The following IGSF10 variants were observed in gnomAD, a reference collection of about 807,000 sequenced individuals.
IGSF10 encodes the protein calvaria mechanical force protein 608.
IGSF10 carries 126 observed loss-of-function variants against 128.2 expected under a neutral mutation model. That is an observed-to-expected ratio of 0.98 (90% CI 0.85 to 1.14). The LOEUF is 1.14. Ranked by LOEUF, IGSF10 falls within the 50% of genes most tolerant of loss-of-function variation. The probability of loss-of-function intolerance (pLI) is 0.00; values close to 1 mark genes in which losing one functional copy is unlikely to be tolerated. For synonymous variants in IGSF10, 1,185 were observed against 1,146.2 expected (o/e 1.03, Z -0.68); for missense variants, 3,295 against 3,149.8 (o/e 1.05, Z -1.10).
At chr3:151,458,387 G>A in intron 3 of IGSF10, 129 bp downstream of exon 3, 3 of 673,274 alleles carry the variant, frequency 4.5e-6, no homozygotes, top group Non-Finnish European at 6.8e-6. Context: ...ATTCTCATGA[G>A]CTCATTTCAG....
the IGSF10 span, among the ~76,000 whole-genome samples, chr3:151,495,544 G>A: frequency 9.3e-5 from 14 of 151,182 alleles, no homozygotes; most frequent in African/African-American, 3.4e-4. Flanking sequence ...AAAAAATTAA[G>A]AACGACAAAT....
At chr3:151,532,221 G>T in the IGSF10 span, among the ~76,000 whole-genome samples, 2 of 148,754 alleles carry the variant, frequency 1.3e-5, no homozygotes, top group East Asian at 3.9e-4. Context: ...TCCAAGGCCA[G>T]ACGGATTCAC....
intron 7 of IGSF10, 110 bp from the exon 8 acceptor site, chr3:151,438,707 A>AAATT: frequency 1.4e-6 from 1 of 726,262 alleles, no homozygotes; most frequent in South Asian, 1.9e-5. Context: ...TGACCAATGA[A>AAATT]AATTGTGTAT....
chr3:151,483,947 GA>G, the IGSF10 span, among the ~76,000 whole-genome samples: 3 of 152,186 alleles, frequency 2.0e-5, no homozygotes, highest in Admixed American at 1.3e-4. Flanking sequence ...ACACCAGCAA[GA>G]CAGAACTGTT....
chr3:151,555,577 G>A, the IGSF10 span, among the ~76,000 whole-genome samples: 1 of 152,150 alleles, frequency 6.6e-6, no homozygotes, highest in East Asian at 1.9e-4. Context: ...GGAATCATAA[G>A]GGTCTCATCT....
At chr3:151,433,007 A>G (rs1465481460), downstream of IGSF10, 2 of 531,096 alleles carry the variant, frequency 3.8e-6, no homozygotes, top group African/African-American at 1.9e-5. Context: ...TGTTGAATTC[A>G]CCTTTAAAGT....
the IGSF10 span, among the ~76,000 whole-genome samples, chr3:151,569,736 C>CTT: frequency 6.6e-6 from 1 of 151,790 alleles, no homozygotes; most frequent in Admixed American, 6.6e-5. Flanking sequence ...ATTTTTTAAT[C>CTT]TTTTTTTTAA....
At chr3:151,481,654 G>A in the IGSF10 span, among the ~76,000 whole-genome samples, 2 of 152,096 alleles carry the variant, frequency 1.3e-5, no homozygotes, top group Non-Finnish European at 2.9e-5. Flanking sequence ...CCCCAGGGCT[G>A]CAATAGTTTT....
At position 151,445,402 on chromosome 3, in the gene IGSF10, T is replaced by G; in HGVS notation, c.4579A>C (p.Lys1527Gln). The G allele has an allele frequency of 6.2e-7, 1 of 1,614,162 alleles. No homozygotes were observed. Among genetic ancestry groups the G allele is most frequent in the South Asian group, 1.1e-5 (1 of 91,080 alleles). Residue 1527 changes from lysine to glutamine, a missense_variant, in exon 6 of 8, where the codon AAG becomes CAG. Coordinates refer to ENST00000282466, the MANE Select transcript of IGSF10 (RefSeq NM_178822.5). Reference protein sequence around the residue: ...QLVAEVATSPKVHPNAKFTIG... With the variant: ...QLVAEVATSPQVHPNAKFTIG... The stretch of plus-strand genomic sequence containing the variant: ...GTGAACTTGGCATTTGGGTGAACCT[T>G]GGGGGATGTTGCAACCTCTGCTACT...
At chr3:151,565,625 G>A in the IGSF10 span, among the ~76,000 whole-genome samples, 3 of 152,020 alleles carry the variant, frequency 2.0e-5, no homozygotes, top group Non-Finnish European at 2.9e-5. Context: ...TCACCTGGGG[G>A]AAGTTATAAA....
At chr3:151,433,859 G>A (rs1406565726), downstream of IGSF10, 2 of 152,590 alleles carry the variant, frequency 1.3e-5, no homozygotes, top group African/African-American at 4.8e-5. Flanking sequence ...GTTGTGTATT[G>A]CATATACTGT....
chr3:151,520,838 C>T, the IGSF10 span, among the ~76,000 whole-genome samples: 2 of 151,718 alleles, frequency 1.3e-5, no homozygotes, highest in African/African-American at 4.8e-5. Flanking sequence ...ACATAATAAC[C>T]TGCTAATACA....
chr3:151,439,126 C>A (rs1015928713), intron 7 of IGSF10, among the ~76,000 whole-genome samples: 9 of 152,130 alleles, frequency 5.9e-5, no homozygotes, highest in Admixed American at 2.0e-4. Flanking sequence ...TGAAGAGGCA[C>A]ATGCTAGAAA....
the IGSF10 span, among the ~76,000 whole-genome samples, chr3:151,566,157 A>G: frequency 8.5e-5 from 13 of 152,088 alleles, no homozygotes; most frequent in Admixed American, 7.9e-4. Flanking sequence ...AATTTGGATT[A>G]GAATGGGAGG....
At chr3:151,509,594 G>C in the IGSF10 span, among the ~76,000 whole-genome samples, 39 of 152,336 alleles carry the variant, frequency 2.6e-4, no homozygotes, top group African/African-American at 8.7e-4. Flanking sequence ...CTGAGGTACC[G>C]GGTTCATCTC....
chr3:151,599,487 G>T, the IGSF10 span, among the ~76,000 whole-genome samples: 1 of 152,178 alleles, frequency 6.6e-6, no homozygotes, highest in South Asian at 2.1e-4. Context: ...GAGGCAAGAA[G>T]GTGGGGAGGA....
upstream of IGSF10, among the ~76,000 whole-genome samples, chr3:151,465,230 C>G (rs566061859): frequency 6.6e-6 from 1 of 152,296 alleles, no homozygotes; most frequent in African/African-American, 2.4e-5. Flanking sequence ...TTGTTAGTGA[C>G]ATCCAAGGAT....
chr3:151,472,963 A>AC, the IGSF10 span, among the ~76,000 whole-genome samples: 1 of 152,098 alleles, frequency 6.6e-6, no homozygotes, highest in Non-Finnish European at 1.5e-5. Flanking sequence ...ACTCAAAAGG[A>AC]CCCCTTCTGA....
At chr3:151,482,532 T>A in the IGSF10 span, among the ~76,000 whole-genome samples, 3 of 152,222 alleles carry the variant, frequency 2.0e-5, no homozygotes, top group South Asian at 6.2e-4. Flanking sequence ...AATAAAGGAA[T>A]AAAGACAGTC....
Sources: gnomAD v4.1 joint callset for allele counts (sites outside exome capture counted in the v4.1 genomes callset) on GRCh38, gnomAD v4.1.1 for gene constraint, MANE v1.5 for transcripts, NCBI Gene and HGNC (gene_info 2026-07-23, HGNC 2026-07-21) for gene names.